The following ZNF518A variants were observed in gnomAD, a reference collection of about 807,000 sequenced individuals.
The protein encoded by ZNF518A is zinc finger protein 518.
A neutral mutation model predicts 102.7 loss-of-function variants in ZNF518A; 47 were observed. The observed-to-expected ratio is 0.46, with a 90% CI of 0.36 to 0.58. The LOEUF (loss-of-function observed/expected upper bound fraction) is 0.58. Among genes scored for constraint, ZNF518A ranks in the 20% least tolerant of loss-of-function variants. The pLI is 0.00. For synonymous variants in ZNF518A, 652 were observed against 594.6 expected (o/e 1.10, Z -1.40); for missense variants, 1,793 against 1,699.8 (o/e 1.05, Z -0.96).
At chr10:96,168,187 A>G (rs2083153723), downstream of ZNF518A, among the ~76,000 whole-genome samples, 1 of 152,170 alleles carries the variant, frequency 6.6e-6, no homozygotes, top group Non-Finnish European at 1.5e-5. Context: ...CAATGTGCTA[A>G]TTCTGTTGGA....
intron 1 of ZNF518A, among the ~76,000 whole-genome samples, chr10:96,182,861 C>A (rs1392432336): frequency 6.6e-6 from 1 of 152,196 alleles, no homozygotes; most frequent in African/African-American, 2.4e-5. Flanking sequence ...AGGATTCCCT[C>A]TTTTTCTATT....
At position 96,160,887 on chromosome 10, in the gene ZNF518A, AT is replaced by A; in HGVS notation, c.*117del. The A allele has an allele frequency of 3.6e-6, 4 of 1,126,032 alleles. No individual in the cohort carries two copies. The highest frequency in any genetic ancestry group is 4.8e-6 in the Non-Finnish European group (4 of 840,472). 69.8% of individuals were successfully genotyped at this position (1,126,032 alleles called of 1,614,324 possible). A position where few individuals can be genotyped will look rare whatever the true frequency, so the allele number is the denominator to read the frequency against. ...TTCAGTATAGTACCTGAAATCGAAC[AT>A]TTTAAAAGTTGATTGTATTTCTGTG... On this transcript the variant is annotated 3_prime_UTR_variant, in exon 6 of 6. Transcript: ENST00000316045.
At chr10:96,176,712 A>G (rs140083290) in intron 1 of ZNF518A, among the ~76,000 whole-genome samples, 1,902 of 152,306 alleles carry the variant, frequency 0.012, 23 homozygotes, top group Non-Finnish European at 0.016. Context: ...CCTGACCAAC[A>G]TGGTGAAACT....
At chr10:96,182,653 G>C (rs185131429) in intron 1 of ZNF518A, among the ~76,000 whole-genome samples, 193 of 152,292 alleles carry the variant, frequency 1.3e-3, no homozygotes, top group African/African-American at 4.4e-3. Context: ...TGTTGAACCA[G>C]CCTTGCATCC....
chr10:96,159,506 G>T lies in ZNF518A; in HGVS notation c.3184G>T (p.Val1062Phe), dbSNP rs782232205. 4.3e-6 allele frequency: 7 copies of T among 1,613,682 alleles called. No homozygotes were observed. Among genetic ancestry groups the T allele is most frequent in the Non-Finnish European group, 5.9e-6 (7 of 1,179,788 alleles). The change falls in exon 6 of 6, where the codon GTT (valine) becomes TTT (phenylalanine). Residue 1062 changes from valine (V) to phenylalanine (F), a missense_variant. Around this residue, in one of 3 missense-constraint regions of ZNF518A, gnomAD observed 1,741 missense variants for 1,622.6 expected, o/e 1.07. Transcript: ENST00000316045. ...GAAACCAACGAGTTCTGTGAAAGCT[G>T]TTCTTATTCCTAACATGCTATCTGA... ...ILKPTSSVKA[V>F]LIPNMLSEQQ... is the part of the protein sequence containing the mutation.
intron 2 of ZNF518A, chr10:96,203,772 A>C (rs1170803595): frequency 4.3e-6 from 1 of 231,120 alleles, no homozygotes; most frequent in African/African-American, 3.0e-5. Flanking sequence ...AAACAGCTGT[A>C]TTGTTTTTGT....
rs1210835467 is a variant in ZNF518A at position 96,162,166 on chromosome 10, C to T, written c.*1392C>T. 6.0e-6 allele frequency: 1 copy of T among 166,862 alleles called. No homozygotes were observed. Among genetic ancestry groups the T allele is most frequent in the African/African-American group, 2.4e-5 (1 of 41,408 alleles). 10.3% of individuals were successfully genotyped at this position (166,862 alleles called of 1,614,324 possible). A position where few individuals can be genotyped will look rare whatever the true frequency, so the allele number is the denominator to read the frequency against. ...CTGTATATAACAAATTAAGTCTGTACATATTTTTGTACCTTTTATGTAAAT... is the reference window on the plus strand; with the variant it reads ...CTGTATATAACAAATTAAGTCTGTATATATTTTTGTACCTTTTATGTAAAT... On this transcript the variant is annotated 3_prime_UTR_variant, in exon 6 of 6. Coordinates refer to ENST00000316045, the MANE Select transcript of ZNF518A (RefSeq NM_001330736.2).
rs1277000443 is a variant in ZNF518A, at chr10:96,190,293, T to C, written n.36-13281T>C. 6.0e-6 allele frequency: 4 copies of C among 664,038 alleles called. No individual in the cohort carries two copies. The African/African-American group carries it at 7.0e-5, about 12-fold the overall frequency. The allele number at this position is 664,038 out of a possible 1,614,324, so 41.1% of individuals were successfully genotyped here. On this transcript the variant is annotated intron_variant and non_coding_transcript_variant, in intron 1 of 2. Transcript: ENST00000442635. ...CGACCACTGCTCAAGAGAACAGCCA[T>C]ACAGGATGGAATCACGCCAGTAGTA...
rs1296091282 is a variant in ZNF518A at position 96,138,144 on chromosome 10, A to T, written c.-302+4496A>T. 3.3e-5 allele frequency among the ~76,000 whole-genome samples: 5 copies of T among 152,132 alleles called. No individual in the cohort carries two copies. The East Asian group carries it at 9.6e-4, about 29-fold the overall frequency. On this transcript the variant is annotated intron_variant, in intron 3 of 5. Transcript: ENST00000316045. ...CATCAACTCTTACTTGGATAATTGT[A>T]CTGTGTAGTCTTTGTCTTTACTCTT...
chr10:96,159,910 A>C lies in ZNF518A; in HGVS notation c.3588A>C (p.Leu1196Phe). 2.5e-6 allele frequency: 4 copies of C among 1,613,542 alleles called. No homozygotes were observed. Among genetic ancestry groups the C allele is most frequent in the Non-Finnish European group, 3.4e-6 (4 of 1,179,708 alleles). ...EPESRDALPF[L>F]LDDLMPANEI... ...AATCTAGAGATGCCTTACCCTTCTTACTAGATGACTTAATGCCAGCAAATG... is the reference window on the plus strand; with the variant it reads ...AATCTAGAGATGCCTTACCCTTCTTCCTAGATGACTTAATGCCAGCAAATG... Residue 1196 changes from leucine to phenylalanine, a missense_variant, in exon 6 of 6, where the codon TTA becomes TTC. By Grantham distance (22) the Leu-to-Phe change is conservative (BLOSUM62 0). Coordinates refer to ENST00000316045, the MANE Select transcript of ZNF518A (RefSeq NM_001330736.2).
At position 96,200,468 on chromosome 10, in the gene ZNF518A, C is replaced by G. The variant is rs1306969380; in HGVS notation, n.36-3106C>G. The stretch of plus-strand genomic sequence containing the variant: ...ACTTTGTGGAGTGCTTTACAATTTC[C>G]AAAGCATTTTTACAAATATTATTTT... On this transcript the variant is annotated intron_variant and non_coding_transcript_variant, in intron 1 of 2. Coordinates refer to the ZNF518A transcript ENST00000442635. The surrounding 1 kb of genome is among the most constrained non-coding windows in gnomAD (Gnocchi z 4.3). Among the ~76,000 whole-genome samples, 1 of 152,076 alleles carries G rather than the reference C, an allele frequency of 6.6e-6. No individual in the cohort carries two copies. The highest frequency in any genetic ancestry group is 1.9e-4 in the East Asian group (1 of 5,194).
At chr10:96,199,599 G>A (rs2083573816) in intron 1 of ZNF518A, 1 of 448,640 alleles carries the variant, frequency 2.2e-6, no homozygotes, top group South Asian at 1.6e-5. Context: ...GGGGATAGCA[G>A]TTTCTCTTGA....
chr10:96,178,403 C>T (rs190682747), intron 1 of ZNF518A, among the ~76,000 whole-genome samples: 153 of 151,932 alleles, frequency 1.0e-3, no homozygotes, highest in Admixed American at 1.8e-3. Context: ...TATTTTTAAG[C>T]GAATGAAATT....
At chr10:96,186,962 A>C (rs12782206) in intron 1 of ZNF518A, among the ~76,000 whole-genome samples, 46,650 of 152,018 alleles carry the variant, frequency 0.31, 8,262 homozygotes, top group East Asian at 0.66. Flanking sequence ...ATGTTTGGCT[A>C]TTTTGTCCAT....
At chr10:96,185,563 C>T (rs2083266919) in intron 1 of ZNF518A, among the ~76,000 whole-genome samples, 1 of 152,176 alleles carries the variant, frequency 6.6e-6, no homozygotes, top group African/African-American at 2.4e-5. Context: ...ACAGTCAGTC[C>T]CCTCAGCTGC....
At chr10:96,163,861 AGCTT>A (rs1304968175), downstream of ZNF518A, 3 of 166,450 alleles carry the variant, frequency 1.8e-5, no homozygotes, top group Non-Finnish European at 4.4e-5. Context: ...TAAAAAAACA[AGCTT>A]GATAAGTTTC....
In ZNF518A at chr10:96,159,233, T is replaced by C; in HGVS notation, c.2911T>C (p.Phe971Leu). 1 of 1,613,694 alleles carries C rather than the reference T, an allele frequency of 6.2e-7. No homozygotes were observed. The highest frequency in any genetic ancestry group is 8.5e-7 in the Non-Finnish European group (1 of 1,179,758). Residue 971 changes from phenylalanine (F) to leucine (L), a missense_variant, in exon 6 of 6, where the codon TTT becomes CTT. Phe to Leu is a conservative substitution (Grantham distance 22). Coordinates refer to ENST00000316045, the MANE Select transcript of ZNF518A (RefSeq NM_001330736.2). ...VNSQGIPASL[F>L]VNKKPGMVLT... is the part of the protein sequence containing the mutation. ...TTCACAAGGTATCCCTGCTTCTCTT[T>C]TTGTAAACAAGAAACCTGGGATGGT...
chr10:96,132,713 T>C (rs1373235562), intron 2 of ZNF518A, 43 bp downstream of exon 2: 2 of 152,048 alleles, frequency 1.3e-5, no homozygotes, highest in Non-Finnish European at 2.9e-5. Context: ...GTCTATTAAG[T>C]AGTAAGTTGG....
intron 3 of ZNF518A, among the ~76,000 whole-genome samples, chr10:96,135,695 G>A (rs782262893): frequency 2.6e-5 from 4 of 152,190 alleles, no homozygotes; most frequent in African/African-American, 4.8e-5. Context: ...ATTAATAAGC[G>A]TGTGTTGAGA....
Sources: allele counts gnomAD v4.1 joint callset (sites outside exome capture counted in the v4.1 genomes callset), GRCh38; gene constraint gnomAD v4.1.1; regional missense constraint gnomAD v4.1.1; non-coding constraint Gnocchi (gnomAD v3.1); transcripts MANE v1.5; gene names NCBI Gene and HGNC (gene_info 2026-07-23, HGNC 2026-07-21).